The following SHOC2 variants were observed in gnomAD, a reference collection of about 807,000 sequenced individuals.
SHOC2 encodes the protein SHOC2 leucine rich repeat scaffold protein, also known as leucine-rich repeat protein SHOC-2.
SHOC2 carries 4 observed loss-of-function variants against 50.2 expected under a neutral mutation model. The ratio of observed to expected loss-of-function variants is 0.08; its 90% CI spans 0.04 to 0.18. The LOEUF (loss-of-function observed/expected upper bound fraction) is 0.18, where lower values mean the gene tolerates loss of function less well. Ranked by LOEUF, SHOC2 falls within the 10% of genes least tolerant of loss-of-function variation. SHOC2 has a pLI of 1.00. For synonymous variants in SHOC2, 218 were observed against 244.5 expected (o/e 0.89, Z 1.01); for missense variants, 388 against 669.6 (o/e 0.58, Z 4.64).
Position 111,000,449 on chromosome 10 carries a change from A to G in SHOC2, c.876A>G (p.Arg292=). The change falls in exon 4 of 9, where the codon AGA becomes AGG. Residue 292 remains arginine, a synonymous_variant. Transcript: ENST00000369452. The stretch of plus-strand genomic sequence containing the variant: ...CCAGTTTAAGTCGTCTTGGTCTGAG[A>G]TATAACAGACTGTCAGCAATACCCA... ...NLSSLSRLGL[R]YNRLSAIPRS... 1 of 1,613,650 alleles carries G rather than the reference A, an allele frequency of 6.2e-7. No homozygotes were observed. Among genetic ancestry groups the G allele is most frequent in the Non-Finnish European group, 8.5e-7 (1 of 1,179,636 alleles).
intron 4 of SHOC2, among the ~76,000 whole-genome samples, chr10:111,003,132 T>C (rs1848410588): frequency 6.6e-6 from 1 of 152,232 alleles, no homozygotes; most frequent in Non-Finnish European, 1.5e-5. Flanking sequence ...AGAACAAGTT[T>C]CAGTTCTCTG....
intron 2 of SHOC2, among the ~76,000 whole-genome samples, chr10:110,966,576 G>T (rs974304880): frequency 2.0e-5 from 3 of 151,980 alleles, no homozygotes; most frequent in Non-Finnish European, 4.4e-5. Context: ...AAGTCTCTAA[G>T]GACTTTTTCC....
intron 3 of SHOC2, among the ~76,000 whole-genome samples, chr10:110,991,225 A>G (rs1848181237): frequency 6.6e-6 from 1 of 152,222 alleles, no homozygotes; most frequent in Non-Finnish European, 1.5e-5. Context: ...AAACAGAGAA[A>G]GCATAGGTGG....
intron 1 of SHOC2, among the ~76,000 whole-genome samples, chr10:110,945,985 A>G (rs1401456760): frequency 1.3e-5 from 2 of 152,104 alleles, no homozygotes; most frequent in African/African-American, 4.8e-5. Context: ...TTACCATCAT[A>G]TGTCAGTGTT....
chr10:110,988,631 C>G (rs1023779756), intron 3 of SHOC2, among the ~76,000 whole-genome samples: 2 of 152,002 alleles, frequency 1.3e-5, no homozygotes, highest in Non-Finnish European at 2.9e-5. Context: ...TTGATCCTCT[C>G]TTAGTTTTAT....
chr10:110,929,347 A>G (rs1590775944), intron 1 of SHOC2, among the ~76,000 whole-genome samples: 1 of 152,324 alleles, frequency 6.6e-6, no homozygotes, highest in African/African-American at 2.4e-5. Flanking sequence ...TAAATAATAT[A>G]TCACTTGCTA....
intron 2 of SHOC2, among the ~76,000 whole-genome samples, chr10:110,980,838 T>C (rs1317689979): frequency 1.3e-5 from 2 of 152,168 alleles, no homozygotes; most frequent in East Asian, 3.8e-4. Context: ...TCCAACTTCC[T>C]TTCCTTATGT....
At chr10:110,961,568 C>G (rs1847572280) in intron 1 of SHOC2, among the ~76,000 whole-genome samples, 1 of 152,122 alleles carries the variant, frequency 6.6e-6, no homozygotes, top group African/African-American at 2.4e-5. Flanking sequence ...TATTCTCTGA[C>G]TAGTTATATT....
At chr10:110,994,757 T>C (rs1445226796) in intron 3 of SHOC2, among the ~76,000 whole-genome samples, 1 of 152,218 alleles carries the variant, frequency 6.6e-6, no homozygotes, top group Non-Finnish European at 1.5e-5. Flanking sequence ...TATCAGACTA[T>C]AAACCATGGT....
At chr10:110,927,670 A>G (rs1463951088) in intron 1 of SHOC2, among the ~76,000 whole-genome samples, 1 of 152,200 alleles carries the variant, frequency 6.6e-6, no homozygotes, top group African/African-American at 2.4e-5. Flanking sequence ...ATAATAGCTT[A>G]TAGTAGTACA....
intron 5 of SHOC2, among the ~76,000 whole-genome samples, chr10:111,007,072 C>G (rs761925838): frequency 6.6e-6 from 1 of 152,110 alleles, no homozygotes; most frequent in Non-Finnish European, 1.5e-5. Flanking sequence ...TTTTCCTCCC[C>G]TACTTTACTG....
rs912046117 is a variant in SHOC2 at position 110,919,873 on chromosome 10, G to T, written c.-235+216G>T. 4 of 358,544 alleles carry T rather than the reference G, an allele frequency of 1.1e-5. No individual in the cohort carries two copies. The East Asian group carries it at 1.6e-4, about 15-fold the overall frequency. 22.2% of individuals were successfully genotyped at this position (358,544 alleles called of 1,614,324 possible). A position where few individuals can be genotyped will look rare whatever the true frequency, so the allele number is the denominator to read the frequency against. ...TGGTTGCTGTCTCCGGGAGTGCGGGGCCCTTGGAGCCGGCTCGCGTGGGAG... is the reference window on the plus strand; with the variant it reads ...TGGTTGCTGTCTCCGGGAGTGCGGGTCCCTTGGAGCCGGCTCGCGTGGGAG... On this transcript the variant is annotated intron_variant, in intron 1 of 8. Coordinates refer to ENST00000369452, the MANE Select transcript of SHOC2 (RefSeq NM_007373.4).
chr10:110,960,034 G>A (rs1428599951), intron 1 of SHOC2, among the ~76,000 whole-genome samples: 3 of 152,130 alleles, frequency 2.0e-5, no homozygotes, highest in Non-Finnish European at 4.4e-5. Context: ...AATAACCAGC[G>A]TTTCCAAATT....
intron 2 of SHOC2, among the ~76,000 whole-genome samples, chr10:110,970,865 A>G (rs779399356): frequency 6.6e-6 from 1 of 151,280 alleles, no homozygotes; most frequent in Non-Finnish European, 1.5e-5. Flanking sequence ...GGCCATTTGT[A>G]TGTCTTGAGA....
intron 1 of SHOC2, chr10:110,937,242 G>T: frequency 9.3e-7 from 1 of 1,069,766 alleles, no homozygotes; most frequent in Non-Finnish European, 1.4e-6. Context: ...ATCTTCGGCT[G>T]CCCCTTGGGA....
intron 2 of SHOC2, among the ~76,000 whole-genome samples, chr10:110,965,897 T>C (rs998904818): frequency 6.6e-6 from 1 of 152,154 alleles, no homozygotes; most frequent in African/African-American, 2.4e-5. Context: ...ATAAAGGTAT[T>C]GCCTCTGTGG....
intron 1 of SHOC2, among the ~76,000 whole-genome samples, chr10:110,930,735 C>CTTTTTTTTTTTTTTTTTT (rs772553111): frequency 2.1e-5 from 2 of 96,802 alleles, no homozygotes; most frequent in African/African-American, 3.4e-5. Context: ...ACGAGTAAAT[C>CTTTTTTTTTTTTTTTTTT]TTTTTTTTTT....
chr10:110,987,546 T>G (rs1848102536), intron 3 of SHOC2, among the ~76,000 whole-genome samples: 1 of 152,184 alleles, frequency 6.6e-6, no homozygotes, highest in African/African-American at 2.4e-5. Context: ...CAAGATTGTC[T>G]CCAACACATA....
rs150374964 is a variant in SHOC2, at chr10:110,974,699, T to C, written c.703+9638T>C. Among the ~76,000 whole-genome samples the C allele has an allele frequency of 8.2e-4, 125 of 152,236 alleles. 3 individuals are homozygous for C. The East Asian group carries it at 0.023, about 27-fold the overall frequency. On this transcript the variant is annotated intron_variant, in intron 2 of 8. Coordinates refer to ENST00000369452, the MANE Select transcript of SHOC2 (RefSeq NM_007373.4). ...TTAGTGTTTCCTCTAGTGTTTACAA[T>C]ACATTATCAGAACTTGACACATTTT... is the stretch of plus-strand genomic sequence containing the variant.
Sources: gnomAD v4.1 joint callset for allele counts (sites outside exome capture counted in the v4.1 genomes callset) on GRCh38, gnomAD v4.1.1 for gene constraint, MANE v1.5 for transcripts, NCBI Gene and HGNC (gene_info 2026-07-23, HGNC 2026-07-21) for gene names.